Variants in CLYBL observed in about 807,000 individuals in gnomAD.
CLYBL encodes citramalyl-CoA lyase.
In CLYBL, 31 loss-of-function variants were observed where a neutral mutation model predicts 38.9. The observed-to-expected ratio is 0.80, with a 90% CI of 0.60 to 1.08. CLYBL has a LOEUF of 1.08. Ranked by LOEUF, CLYBL falls within the 50% of genes least tolerant of loss-of-function variation. The pLI is 0.00. For synonymous variants in CLYBL, 171 were observed against 158.6 expected (o/e 1.08, Z -0.59); for missense variants, 434 against 411.6 (o/e 1.05, Z -0.47).
intron 7 of CLYBL, among the ~76,000 whole-genome samples, chr13:99,885,815 G>A (rs1233137066): frequency 1.3e-5 from 2 of 152,218 alleles, no homozygotes; most frequent in Non-Finnish European, 2.9e-5. Flanking sequence ...GAGTGTCTCC[G>A]GGAGCATCAT....
chr13:99,852,942 G>A (rs942704811), intron 2 of CLYBL, among the ~76,000 whole-genome samples: 2 of 152,192 alleles, frequency 1.3e-5, no homozygotes, highest in Admixed American at 6.5e-5. Flanking sequence ...GCAGACAGCA[G>A]TACACTTCCC....
At position 99,865,703 on chromosome 13, in the gene CLYBL, C is replaced by A. The variant is rs928602960; in HGVS notation, c.635-537C>A. ...GTTCAGCGGGCTACAGAAGGCATAT[C>A]GATGCTTTCCAGCCCTCTCAAAACA... On this transcript the variant is annotated intron_variant, in intron 5 of 8. Transcript: ENST00000339105. This position sits in a 1 kb window ranked among gnomAD's most constrained non-coding sequence, Gnocchi z 4.7. 6.6e-5 allele frequency among the ~76,000 whole-genome samples: 10 copies of A among 152,226 alleles called. No homozygotes were observed. The highest frequency in any genetic ancestry group is 6.5e-4 in the Admixed American group (10 of 15,278).
intron 7 of CLYBL, chr13:99,877,571 C>CTTTTTTT (rs561372911): frequency 2.7e-4 from 59 of 214,918 alleles, no homozygotes; most frequent in South Asian, 3.3e-4. Context: ...TTTTGTAATT[C>CTTTTTTT]TTTTTTTTTT....
At chr13:99,622,589 G>A (rs7327267) in intron 1 of CLYBL, among the ~76,000 whole-genome samples, 67,838 of 151,834 alleles carry the variant, frequency 0.45, 15,746 homozygotes, top group East Asian at 0.79. Flanking sequence ...TGTACTCTTC[G>A]AGGCTGTTTT....
At chr13:99,892,034 C>A (rs1362503971) in intron 8 of CLYBL, 1 of 152,206 alleles carries the variant, frequency 6.6e-6, no homozygotes, top group Non-Finnish European at 1.5e-5. Flanking sequence ...CCTTGAACCG[C>A]TAGACGATGA....
At chr13:99,872,389 T>C (rs942203881) in intron 7 of CLYBL, among the ~76,000 whole-genome samples, 2 of 152,208 alleles carry the variant, frequency 1.3e-5, no homozygotes, top group African/African-American at 4.8e-5. Context: ...TTGTGTTTAG[T>C]GTCCATTTTT....
rs190531151 is a variant in CLYBL, at chr13:99,837,948, T to C, written c.250-20913T>C. The stretch of plus-strand genomic sequence containing the variant: ...GAAACATTTTTGTAAATTACAAATA[T>C]TATTTTTTACATGATATCTCTGGTT... On this transcript the variant is annotated intron_variant, in intron 2 of 8. Transcript: ENST00000339105. Among the ~76,000 whole-genome samples, 295 of 152,364 alleles carry C rather than the reference T, an allele frequency of 1.9e-3. 2 individuals are homozygous for C. Among genetic ancestry groups the C allele is most frequent in the African/African-American group, 6.6e-3 (274 of 41,582 alleles).
downstream of CLYBL, among the ~76,000 whole-genome samples, chr13:99,900,539 A>T (rs964094129): frequency 6.6e-6 from 1 of 152,092 alleles, no homozygotes; most frequent in African/African-American, 2.4e-5. Context: ...AGGGGGCACC[A>T]TCCACATAGA....
intron 1 of CLYBL, among the ~76,000 whole-genome samples, chr13:99,770,662 C>T (rs2049370781): frequency 6.6e-6 from 1 of 151,930 alleles, no homozygotes; most frequent in Non-Finnish European, 1.5e-5. Flanking sequence ...CCTCGGCCTC[C>T]CAAAGTGTTG....
intron 6 of CLYBL, among the ~76,000 whole-genome samples, chr13:99,868,529 AT>A (rs745653180): frequency 6.6e-6 from 1 of 152,212 alleles, no homozygotes; most frequent in Non-Finnish European, 1.5e-5. Flanking sequence ...TGTGTTATCC[AT>A]AACGCTGGTA....
intron 1 of CLYBL, among the ~76,000 whole-genome samples, chr13:99,711,550 G>GTA (rs2048232772): frequency 6.6e-6 from 1 of 151,566 alleles, no homozygotes; most frequent in African/African-American, 2.4e-5. Context: ...GGGATTACAG[G>GTA]CATGCACCAC....
downstream of CLYBL, among the ~76,000 whole-genome samples, chr13:99,898,958 G>A (rs1365639658): frequency 1.3e-5 from 2 of 152,192 alleles, no homozygotes; most frequent in Admixed American, 1.3e-4. Flanking sequence ...ATGAGCTTGT[G>A]GAAAATGTAT....
In CLYBL at chr13:99,809,386, C is replaced by G. The variant is rs557899992; in HGVS notation, c.249+36376C>G. ...GTGTCATGTGGAAGACCACCCTCTC[C>G]GATGGTGGGCTCAAGGTTCTATGTC... On this transcript the variant is annotated intron_variant, in intron 2 of 8. Coordinates refer to ENST00000339105, the MANE Select transcript of CLYBL (RefSeq NM_206808.5). Among the ~76,000 whole-genome samples the G allele has an allele frequency of 5.4e-4, 83 of 152,300 alleles. 1 individual carries two copies. The highest frequency in any genetic ancestry group is 2.0e-3 in the African/African-American group (83 of 41,578).
intron 1 of CLYBL, among the ~76,000 whole-genome samples, chr13:99,642,823 A>G (rs151172772): frequency 1.2e-4 from 18 of 151,422 alleles, no homozygotes; most frequent in East Asian, 3.9e-4. Context: ...CAGTAGTGCA[A>G]TCTTGGCTCA....
chr13:99,773,080 T>G (rs2049433998), intron 2 of CLYBL, 70 bp downstream of exon 2: 16 of 1,303,518 alleles, frequency 1.2e-5, no homozygotes, highest in Non-Finnish European at 2.2e-6. Flanking sequence ...ATAGTGACAT[T>G]GCCCGCTATT....
intron 1 of CLYBL, among the ~76,000 whole-genome samples, chr13:99,659,162 GA>G (rs2047373193): frequency 6.6e-6 from 1 of 152,080 alleles, no homozygotes; most frequent in African/African-American, 2.4e-5. Context: ...TTCTGACAGA[GA>G]GGGGATTAGT....
At chr13:99,764,162 G>C (rs775154544) in intron 1 of CLYBL, among the ~76,000 whole-genome samples, 3 of 152,008 alleles carry the variant, frequency 2.0e-5, no homozygotes, top group African/African-American at 7.2e-5. Flanking sequence ...AGGCTCAAGG[G>C]ATTCTCTGCC....
chr13:99,846,850 C>T (rs1228942359), intron 2 of CLYBL, among the ~76,000 whole-genome samples: 2 of 152,180 alleles, frequency 1.3e-5, no homozygotes, highest in Non-Finnish European at 2.9e-5. Context: ...CCTACAGCAA[C>T]GTGGGCACAG....
chr13:99,901,840 A>T (rs9585259), downstream of CLYBL, among the ~76,000 whole-genome samples: 47,789 of 151,612 alleles, frequency 0.32, 8,106 homozygotes, highest in South Asian at 0.49. Context: ...TTGTATTTTT[A>T]GTAGAGACGG....
Sources: gnomAD v4.1 joint callset for allele counts (sites outside exome capture counted in the v4.1 genomes callset) on GRCh38, gnomAD v4.1.1 for gene constraint, Gnocchi (gnomAD v3.1) non-coding constraint, MANE v1.5 for transcripts, NCBI Gene and HGNC (gene_info 2026-07-23, HGNC 2026-07-21) for gene names.